PDE3A: variants seen among roughly 807,000 people sequenced by gnomAD.
PDE3A encodes the protein cGMP-inhibited 3',5'-cyclic phosphodiesterase 3A.
In PDE3A, 43 loss-of-function variants were observed where a neutral mutation model predicts 98.3. The observed-to-expected ratio is 0.44, with a 90% confidence interval of 0.34 to 0.56. The LOEUF is 0.56. Among genes scored for constraint, PDE3A ranks in the 20% least tolerant of loss-of-function variants. PDE3A has a pLI of 0.01. For missense variants in PDE3A, 1,427 were observed against 1,440.7 expected, an observed-to-expected ratio of 0.99 and a Z score of 0.15; for synonymous variants, 663 against 567.9, an observed-to-expected ratio of 1.17 and a Z score of -2.38.
rs889988352 is a variant in PDE3A, at chr12:20,368,965, G to A, written c.-320G>A. Among the ~76,000 whole-genome samples, 5 of 152,098 alleles carry A rather than the reference G, an allele frequency of 3.3e-5. No individual in the cohort carries two copies. Among genetic ancestry groups the A allele is most frequent in the Admixed American group, 3.3e-4 (5 of 15,280 alleles). ...CGGAGGATATAAGTCGGGGGTGGGG[G>A]TGGAGCAGAGAATCTGTGAAAGATA... On this transcript the variant is annotated 5_prime_UTR_variant, in exon 1 of 16. The change creates a new upstream start codon in the 5' untranslated region. Transcript: ENST00000359062.
intron 1 of PDE3A, among the ~76,000 whole-genome samples, chr12:20,532,968 G>A (rs962804479): frequency 1.4e-4 from 21 of 152,116 alleles, no homozygotes; most frequent in African/African-American, 4.3e-4. Flanking sequence ...GAGCCACCGC[G>A]CCCGGCCAGT....
chr12:20,467,719 G>A (rs765453041), intron 1 of PDE3A, among the ~76,000 whole-genome samples: 3 of 151,638 alleles, frequency 2.0e-5, no homozygotes, highest in Non-Finnish European at 4.4e-5. Context: ...GGTGGATCAC[G>A]AGGTCAAGAG....
At chr12:20,457,636 A>G (rs1945174967) in intron 1 of PDE3A, among the ~76,000 whole-genome samples, 1 of 151,600 alleles carries the variant, frequency 6.6e-6, no homozygotes, top group African/African-American at 2.4e-5. Flanking sequence ...ATGCAACTAG[A>G]TAGAAAAGGA....
intron 1 of PDE3A, among the ~76,000 whole-genome samples, chr12:20,489,443 A>C (rs1344824657): frequency 6.6e-6 from 1 of 152,202 alleles, no homozygotes; most frequent in Non-Finnish European, 1.5e-5. Flanking sequence ...TGATTTAAAA[A>C]ACATTGTTTT....
At chr12:20,530,902 A>G (rs1187229901) in intron 1 of PDE3A, among the ~76,000 whole-genome samples, 1 of 152,202 alleles carries the variant, frequency 6.6e-6, no homozygotes, top group Non-Finnish European at 1.5e-5. Flanking sequence ...ACTTTATAGT[A>G]AGCTCAAACT....
chr12:20,464,521 C>G (rs946437810), intron 1 of PDE3A, among the ~76,000 whole-genome samples: 4 of 152,016 alleles, frequency 2.6e-5, no homozygotes, highest in Admixed American at 1.3e-4. Flanking sequence ...TGATGACTGT[C>G]CTTCTGTAGG....
intron 1 of PDE3A, among the ~76,000 whole-genome samples, chr12:20,528,514 T>C (rs1286741777): frequency 6.6e-6 from 1 of 152,238 alleles, no homozygotes; most frequent in Non-Finnish European, 1.5e-5. Context: ...TAAGTCCTTT[T>C]AGCATGGTTC....
intron 2 of PDE3A, chr12:20,557,342 T>A (rs988825295): frequency 1.3e-5 from 2 of 152,396 alleles, no homozygotes; most frequent in Non-Finnish European, 2.9e-5. Context: ...TTACTTTCCC[T>A]GATGGAATAA....
chr12:20,581,214 G>A (rs953171355), intron 2 of PDE3A, among the ~76,000 whole-genome samples: 8 of 152,212 alleles, frequency 5.3e-5, no homozygotes, highest in African/African-American at 1.4e-4. Flanking sequence ...TTAATATGAC[G>A]AATGCATTAA....
intron 1 of PDE3A, among the ~76,000 whole-genome samples, chr12:20,512,133 A>T (rs1946237458): frequency 6.6e-6 from 1 of 152,092 alleles, no homozygotes; most frequent in Non-Finnish European, 1.5e-5. Flanking sequence ...AAAAGACAAT[A>T]GATAAAAACT....
chr12:20,609,517 C>T (rs1027078776), intron 2 of PDE3A, among the ~76,000 whole-genome samples: 9 of 151,904 alleles, frequency 5.9e-5, no homozygotes, highest in East Asian at 1.9e-4. Flanking sequence ...CTATCAACAT[C>T]GCAATGGTGT....
chr12:20,389,015 T>G (rs1035348977), intron 1 of PDE3A, among the ~76,000 whole-genome samples: 1 of 151,838 alleles, frequency 6.6e-6, no homozygotes, highest in Admixed American at 6.6e-5. Flanking sequence ...AAATAGAGAG[T>G]GTGCTCTCAC....
intron 1 of PDE3A, among the ~76,000 whole-genome samples, chr12:20,538,998 A>G (rs1171623212): frequency 6.6e-6 from 1 of 151,686 alleles, no homozygotes; most frequent in Admixed American, 6.6e-5. Flanking sequence ...TTTAAAAAGC[A>G]TGTATTGAAT....
At chr12:20,626,418 T>C (rs1216285988) in intron 5 of PDE3A, among the ~76,000 whole-genome samples, 2 of 152,164 alleles carry the variant, frequency 1.3e-5, no homozygotes, top group African/African-American at 2.4e-5. Context: ...TTTATAACTT[T>C]AGCTTCTCAC....
At chr12:20,574,969 C>G (rs1318074770) in intron 2 of PDE3A, among the ~76,000 whole-genome samples, 1 of 151,968 alleles carries the variant, frequency 6.6e-6, no homozygotes, top group African/African-American at 2.4e-5. Flanking sequence ...CGAAACCAAG[C>G]CCCCAAATGG....
At chr12:20,505,618 G>C (rs1368221482) in intron 1 of PDE3A, among the ~76,000 whole-genome samples, 4 of 152,014 alleles carry the variant, frequency 2.6e-5, no homozygotes, top group African/African-American at 9.7e-5. Flanking sequence ...AAGCTTTCTG[G>C]TAAATTAGAC....
rs11045194 is a variant in PDE3A at position 20,370,410 on chromosome 12, T to G, written c.960+166T>G. 27,935 of 251,812 alleles carry G rather than the reference T, an allele frequency of 0.11. 473 individuals carry two copies. The highest frequency in any genetic ancestry group is 0.24 in the East Asian group (4,220 of 17,628). 15.6% of individuals were successfully genotyped at this position (251,812 alleles called of 1,614,324 possible). On this transcript the variant is annotated intron_variant, in intron 1 of 15. Transcript: ENST00000359062. The stretch of plus-strand genomic sequence containing the variant: ...GCAGGTTTTTTTTTTGTTTTTTTTG[T>G]TTTTTTTTTTTTGTTTTTTTGCCCT...
At chr12:20,653,439 C>T (rs113416374) in intron 14 of PDE3A, among the ~76,000 whole-genome samples, 3,871 of 151,964 alleles carry the variant, frequency 0.025, 142 homozygotes, top group African/African-American at 0.088. Flanking sequence ...CTCAGCTCAC[C>T]GCAACCTCCG....
At chr12:20,599,223 C>T (rs552736417) in intron 2 of PDE3A, among the ~76,000 whole-genome samples, 2 of 152,130 alleles carry the variant, frequency 1.3e-5, no homozygotes, top group Non-Finnish European at 2.9e-5. Flanking sequence ...CTCTGCCCCC[C>T]ACTTACTCTC....
Sources: allele counts gnomAD v4.1 joint callset (sites outside exome capture counted in the v4.1 genomes callset), GRCh38; gene constraint gnomAD v4.1.1; transcripts MANE v1.5; gene names NCBI Gene and HGNC (gene_info 2026-07-23, HGNC 2026-07-21).